Variants in FLYWCH1 observed in about 807,000 individuals in gnomAD.
FLYWCH1 encodes the protein FLYWCH-type zinc finger-containing protein 1.
Under a neutral mutation model 66.4 loss-of-function variants are expected in FLYWCH1, and 75 were observed. That is an observed-to-expected ratio of 1.13 (90% CI 0.94 to 1.37). The LOEUF (loss-of-function observed/expected upper bound fraction) is 1.37. Ranked by LOEUF, FLYWCH1 falls within the 40% of genes most tolerant of loss-of-function variation. The pLI, the probability that FLYWCH1 is intolerant of heterozygous loss-of-function variation, is 0.00. For synonymous variants in FLYWCH1, 595 were observed against 429.9 expected (o/e 1.38, Z -4.75); for missense variants, 1,334 against 1,001.8 (o/e 1.33, Z -4.48).
In FLYWCH1 at chr16:2,946,760, C is replaced by G. The variant is rs191579857; in HGVS notation, c.2112-1928C>G. Among the ~76,000 whole-genome samples the G allele has an allele frequency of 6.3e-4, 96 of 152,250 alleles. 1 individual carries two copies. Among genetic ancestry groups the G allele is most frequent in the Non-Finnish European group, 3.8e-4 (26 of 68,018 alleles). Reference sequence around the variant, plus strand: ...ATGGCCGATAGGGATAGATTCTCAACTTCATCAGTCTCAGGGAAATGCAAA... The same window carrying G: ...ATGGCCGATAGGGATAGATTCTCAAGTTCATCAGTCTCAGGGAAATGCAAA... On this transcript the variant is annotated intron_variant, in intron 9 of 9. Transcript: ENST00000253928.
chr16:2,932,117 C>CAAAAA lies in FLYWCH1; in HGVS notation c.797-999_797-995dup, dbSNP rs71158124. ...TGGGCAAAAGAGCAAGACTCTGTCTCAAAAAAAAAAAAAAAAAATTAGCTG... is the reference window on the plus strand; with the variant it reads ...TGGGCAAAAGAGCAAGACTCTGTCTCAAAAAAAAAAAAAAAAAAAAAAATTAGCTG... On this transcript the variant is annotated intron_variant, in intron 4 of 9. Coordinates refer to ENST00000253928, the MANE Select transcript of FLYWCH1 (RefSeq NM_001308068.2). 3.4e-4 allele frequency among the ~76,000 whole-genome samples: 37 copies of CAAAAA among 109,850 alleles called. 5 individuals carry two copies. The highest frequency in any genetic ancestry group is 9.0e-4 in the African/African-American group (25 of 27,842). 72.1% of individuals were successfully genotyped at this position (109,850 alleles called of 152,430 possible).
intron 2 of FLYWCH1, among the ~76,000 whole-genome samples, chr16:2,914,899 ACT>A (rs1335248901): frequency 2.2e-5 from 3 of 135,818 alleles, no homozygotes; most frequent in Non-Finnish European, 4.7e-5. Flanking sequence ...ACAGAGTGAG[ACT>A]CTGTCTCAAA....
At chr16:2,948,273 G>C (rs1003473505) in intron 9 of FLYWCH1, among the ~76,000 whole-genome samples, 4 of 152,056 alleles carry the variant, frequency 2.6e-5, no homozygotes, top group African/African-American at 7.2e-5. Flanking sequence ...GTGTAAAAAT[G>C]ATCAGCCAGG....
At chr16:2,942,883 G>A (rs546858502) in intron 9 of FLYWCH1, among the ~76,000 whole-genome samples, 1 of 151,892 alleles carries the variant, frequency 6.6e-6, no homozygotes, top group African/African-American at 2.4e-5. Context: ...TGTATTTTTA[G>A]TGGAGACGGG....
intron 6 of FLYWCH1, chr16:2,935,217 C>G (rs1457928527): frequency 6.6e-6 from 1 of 152,664 alleles, no homozygotes; most frequent in African/African-American, 2.4e-5. Context: ...GCCACCATAC[C>G]CGGCCACGTT....
rs746331924 is a variant in FLYWCH1, at chr16:2,930,849, G to A, written c.765G>A (p.Leu255=). Residue 255 remains leucine (L), a synonymous_variant, in exon 4 of 10, where the codon CTG becomes CTA. Transcript: ENST00000253928. ...EAPRALSLLS[L]PPKKRSILGL... ...CCCGAGCCCTGTCACTGCTGAGCCT[G>A]CCGCCCAAGAAGCGCTCGATCCTGG... 6.2e-7 allele frequency: 1 copy of A among 1,601,706 alleles called. No individual in the cohort carries two copies.
intron 2 of FLYWCH1, among the ~76,000 whole-genome samples, chr16:2,927,446 C>G (rs148138258): frequency 1.1e-3 from 161 of 152,306 alleles, no homozygotes; most frequent in African/African-American, 3.6e-3. Flanking sequence ...ATGGACCCAA[C>G]TCACCTTCTA....
intron 9 of FLYWCH1, 105 bp downstream of exon 9, chr16:2,940,197 G>A (rs1187704993): frequency 2.0e-5 from 13 of 663,950 alleles, no homozygotes; most frequent in Non-Finnish European, 3.6e-5. Context: ...TCAACATTAT[G>A]GGAGTGGTTG....
At chr16:2,918,692 C>T (rs940562740) in intron 2 of FLYWCH1, among the ~76,000 whole-genome samples, 4 of 151,154 alleles carry the variant, frequency 2.6e-5, no homozygotes, top group South Asian at 4.2e-4. Context: ...CCGCCTGCCT[C>T]GGCCTCCCAA....
intron 4 of FLYWCH1, among the ~76,000 whole-genome samples, chr16:2,932,117 CAAAAAA>C: frequency 9.1e-6 from 1 of 109,858 alleles, no homozygotes; most frequent in South Asian, 2.9e-4. Flanking sequence ...GACTCTGTCT[CAAAAAA>C]AAAAAAAAAA....
chr16:2,922,670 C>T (rs967738217), intron 2 of FLYWCH1: 12 of 452,018 alleles, frequency 2.7e-5, no homozygotes, highest in Non-Finnish European at 4.3e-5. Context: ...ACATGATCTC[C>T]ATTTTGTTGG....
At chr16:2,918,900 T>C (rs938006754) in intron 2 of FLYWCH1, among the ~76,000 whole-genome samples, 2 of 152,210 alleles carry the variant, frequency 1.3e-5, no homozygotes, top group African/African-American at 4.8e-5. Context: ...AAACAAAAAC[T>C]TGTTTAGAAA....
At chr16:2,933,618 C>A in intron 5 of FLYWCH1, 36 bp downstream of exon 5, 1 of 1,565,120 alleles carries the variant, frequency 6.4e-7, no homozygotes, top group South Asian at 1.2e-5. Flanking sequence ...CCGGCCCTGC[C>A]TTGACTCTTG....
chr16:2,937,092 G>A (rs912353809), intron 6 of FLYWCH1, 29 bp from the exon 7 acceptor site: 6 of 1,575,766 alleles, frequency 3.8e-6, no homozygotes, highest in African/African-American at 1.4e-5. Flanking sequence ...GCTGGTGTCC[G>A]CTGCTCCTCC....
intron 8 of FLYWCH1, among the ~76,000 whole-genome samples, chr16:2,939,306 A>G (rs1196372284): frequency 6.6e-6 from 1 of 151,996 alleles, no homozygotes; most frequent in African/African-American, 2.4e-5. Flanking sequence ...TTAGCTGGAC[A>G]TGGTGACGCA....
rs529892902 is a variant in FLYWCH1, at chr16:2,933,573, G to A, written c.1240G>A (p.Ala414Thr). Residue 414 changes from alanine to threonine, a missense_variant, in exon 5 of 10, where the codon GCA (alanine) becomes ACA (threonine). By Grantham distance (58) the Ala-to-Thr change is moderately conservative. Coordinates refer to ENST00000253928, the MANE Select transcript of FLYWCH1 (RefSeq NM_001308068.2). ...EAPDEHQDMD[A>T]DPGGPEFLKT... The stretch of plus-strand genomic sequence containing the variant: ...CCCAGACGAGCACCAGGACATGGAC[G>A]CAGACCCGGGTGAGCTGCCTTCCTT... The A allele has an allele frequency of 6.9e-5, 109 of 1,590,270 alleles. No homozygotes were observed. Among genetic ancestry groups the A allele is most frequent in the South Asian group, 1.4e-4 (12 of 87,780 alleles).
chr16:2,941,074 A>G (rs982417184), intron 9 of FLYWCH1, among the ~76,000 whole-genome samples: 8 of 151,974 alleles, frequency 5.3e-5, no homozygotes, highest in African/African-American at 1.9e-4. Flanking sequence ...ACTCCAGCCT[A>G]GGTGACAAAC....
chr16:2,932,424 C>G (rs1207604179), intron 4 of FLYWCH1, among the ~76,000 whole-genome samples: 1 of 151,972 alleles, frequency 6.6e-6, no homozygotes, highest in Non-Finnish European at 1.5e-5. Context: ...CCTAAGGTGG[C>G]TGTGATAACC....
intron 2 of FLYWCH1, among the ~76,000 whole-genome samples, chr16:2,921,992 G>C (rs1377362550): frequency 6.6e-6 from 1 of 152,194 alleles, no homozygotes; most frequent in Non-Finnish European, 1.5e-5. Flanking sequence ...GAACCCGGGA[G>C]GCAGAGGTTG....
Sources: allele counts gnomAD v4.1 joint callset (sites outside exome capture counted in the v4.1 genomes callset), GRCh38; gene constraint gnomAD v4.1.1; transcripts MANE v1.5; gene names NCBI Gene and HGNC (gene_info 2026-07-23, HGNC 2026-07-21).